KIF1B: variants seen among roughly 807,000 people sequenced by gnomAD.
KIF1B encodes the protein kinesin family member 1B.
A neutral mutation model predicts 241.9 loss-of-function variants in KIF1B; 76 were observed. That is an observed-to-expected ratio of 0.31 (90% CI 0.26 to 0.38). The LOEUF is 0.38. Among genes scored for constraint, KIF1B ranks in the 10% least tolerant of loss-of-function variants. KIF1B has a pLI of 1.00. For missense variants in KIF1B, 1,622 were observed against 2,271.4 expected (o/e 0.71, Z 5.81); for synonymous variants, 750 against 796.7 (o/e 0.94, Z 0.99).
Position 10,337,145 on chromosome 1 carries a change from G to A in KIF1B, c.3201G>A (p.Gln1067=). The change falls in exon 30 of 49, where the codon CAG becomes CAA. Residue 1067 remains glutamine (Q), a synonymous_variant. Transcript: ENST00000676179. The surrounding 1 kb of genome is among the most constrained non-coding windows in gnomAD (Gnocchi z 4.0). ...AGGAGTTGAGGATTGTGGAAGGACAGGGTCAGAGTTCTGAGGTCATCACTC... is the reference window on the plus strand; with the variant it reads ...AGGAGTTGAGGATTGTGGAAGGACAAGGTCAGAGTTCTGAGGTCATCACTC... The part of the protein sequence containing the change: ...SLEELRIVEG[Q]GQSSEVITPP... 6.2e-7 allele frequency: 1 copy of A among 1,614,176 alleles called. No individual in the cohort carries two copies. The highest frequency in any genetic ancestry group is 1.3e-5 in the African/African-American group (1 of 75,038).
intron 2 of KIF1B, among the ~76,000 whole-genome samples, chr1:10,240,229 G>A (rs544727092): frequency 6.7e-6 from 1 of 150,184 alleles, no homozygotes; most frequent in Non-Finnish European, 1.5e-5. Flanking sequence ...TTATTTATGA[G>A]GCGGAGTCTC....
At chr1:10,369,891 C>T (rs1428604103) in intron 44 of KIF1B, among the ~76,000 whole-genome samples, 2 of 150,956 alleles carry the variant, frequency 1.3e-5, no homozygotes, top group Admixed American at 1.3e-4. Flanking sequence ...AAGATCGTGC[C>T]ATTGCACTCC....
At position 10,278,310 on chromosome 1, in the gene KIF1B, A is replaced by G. The variant is rs148760512; in HGVS notation, c.1180+182A>G. Among the ~76,000 whole-genome samples the G allele has an allele frequency of 3.0e-3, 464 of 152,252 alleles. 3 individuals carry two copies. The highest frequency in any genetic ancestry group is 0.011 in the African/African-American group (437 of 41,544). ...AAAACCCAATGGAAATGATCTCTAGATTCCTTTATGTAATGTGTACCAGAC... is the reference window on the plus strand; with the variant it reads ...AAAACCCAATGGAAATGATCTCTAGGTTCCTTTATGTAATGTGTACCAGAC... On this transcript the variant is annotated intron_variant, in intron 13 of 48. Coordinates refer to ENST00000676179, the MANE Select transcript of KIF1B (RefSeq NM_001365951.3).
rs562242843 is a variant in KIF1B, at chr1:10,288,462, T to G, written c.1435-2620T>G. Among the ~76,000 whole-genome samples, 7 of 152,270 alleles carry G rather than the reference T, an allele frequency of 4.6e-5. No individual in the cohort carries two copies. In the South Asian group the frequency reaches 1.4e-3, roughly 32 times the overall value. ...GCTGAGGACTGTGTAGAGATGCCATTCAGGTAGCTGTTTTAGCCTTTGAGC... is the reference window on the plus strand; with the variant it reads ...GCTGAGGACTGTGTAGAGATGCCATGCAGGTAGCTGTTTTAGCCTTTGAGC... On this transcript the variant is annotated intron_variant, in intron 15 of 48. Coordinates refer to ENST00000676179, the MANE Select transcript of KIF1B (RefSeq NM_001365951.3).
intron 22 of KIF1B, among the ~76,000 whole-genome samples, chr1:10,310,919 A>T (rs764713494): frequency 6.6e-6 from 1 of 151,410 alleles, no homozygotes. Flanking sequence ...TTCACTGAGG[A>T]AAAAAAGCAA....
intron 43 of KIF1B, among the ~76,000 whole-genome samples, chr1:10,368,100 T>G (rs1638625497): frequency 6.6e-6 from 1 of 152,146 alleles, no homozygotes; most frequent in South Asian, 2.1e-4. Context: ...GCTTTATCTT[T>G]ATTAGACATA....
At chr1:10,291,014 G>A (rs1649969719) in intron 15 of KIF1B, 68 bp from the exon 16 acceptor site, 1 of 1,271,244 alleles carries the variant, frequency 7.9e-7, no homozygotes, top group Non-Finnish European at 1.1e-6. Flanking sequence ...TTTGCTTCTT[G>A]CTTTTCTAGC....
chr1:10,240,399 G>A (rs986220298), intron 2 of KIF1B, among the ~76,000 whole-genome samples: 2 of 151,866 alleles, frequency 1.3e-5, no homozygotes, highest in African/African-American at 4.8e-5. Context: ...GTAGAGGTGG[G>A]GTTTCACCAT....
chr1:10,305,122 A>G (rs1461067105), intron 22 of KIF1B: 8 of 1,062,724 alleles, frequency 7.5e-6, no homozygotes, highest in Non-Finnish European at 9.1e-6. Flanking sequence ...GGGTGGGCAC[A>G]GCTTTGGATT....
chr1:10,296,793 G>A (rs1650286092), intron 20 of KIF1B, 104 bp from the exon 21 acceptor site: 1 of 1,359,444 alleles, frequency 7.4e-7, no homozygotes, highest in Admixed American at 1.9e-5. Flanking sequence ...AAAAACAACA[G>A]CTCTGAAAGC....
At position 10,381,291 on chromosome 1, in the gene KIF1B, A is replaced by C. The variant is rs1225465284; in HGVS notation, c.*4704A>C. ...CACATGACAACAAAACCCATAATGCATAAGTGGCCTTTTTGAACCAAGACT... is the reference window on the plus strand; with the variant it reads ...CACATGACAACAAAACCCATAATGCCTAAGTGGCCTTTTTGAACCAAGACT... On this transcript the variant is annotated 3_prime_UTR_variant, in exon 49 of 49. Coordinates refer to ENST00000676179, the MANE Select transcript of KIF1B (RefSeq NM_001365951.3). 1 of 226,600 alleles carries C rather than the reference A, an allele frequency of 4.4e-6. No individual in the cohort carries two copies. Among genetic ancestry groups the C allele is most frequent in the Non-Finnish European group, 8.8e-6 (1 of 113,670 alleles). The allele number at this position is 226,600 out of a possible 1,614,324, so 14.0% of individuals were successfully genotyped here.
intron 15 of KIF1B, among the ~76,000 whole-genome samples, chr1:10,286,158 G>T (rs564740796): frequency 6.6e-6 from 1 of 152,166 alleles, no homozygotes; most frequent in African/African-American, 2.4e-5. Flanking sequence ...TCCTGCCTCA[G>T]CCTTCTGAGA....
At chr1:10,294,630 G>A (rs921268087) in intron 17 of KIF1B, among the ~76,000 whole-genome samples, 6 of 152,186 alleles carry the variant, frequency 3.9e-5, no homozygotes, top group African/African-American at 1.2e-4. Context: ...CACTTTGGGA[G>A]GCCAAGGAGG....
At chr1:10,230,778 C>T (rs1287020019) in intron 1 of KIF1B, 1 of 152,068 alleles carries the variant, frequency 6.6e-6, no homozygotes, top group Admixed American at 6.6e-5. Flanking sequence ...TCTTTTCACA[C>T]AGTAGTGTTG....
chr1:10,233,773 G>A (rs1490901693), intron 2 of KIF1B, among the ~76,000 whole-genome samples: 2 of 150,506 alleles, frequency 1.3e-5, no homozygotes, highest in Non-Finnish European at 3.0e-5. Context: ...GAGTGCAGTG[G>A]CATGATCTCA....
intron 1 of KIF1B, among the ~76,000 whole-genome samples, chr1:10,223,290 A>T (rs1646868450): frequency 6.6e-6 from 1 of 151,984 alleles, no homozygotes. Flanking sequence ...AACAAAAAGC[A>T]CCTCTGTAAA....
intron 10 of KIF1B, among the ~76,000 whole-genome samples, chr1:10,273,767 T>G (rs1211584364): frequency 8.1e-6 from 1 of 123,732 alleles, no homozygotes; most frequent in Non-Finnish European, 1.6e-5. Flanking sequence ...GACTAGCCAC[T>G]AAGAGGCCAG....
chr1:10,271,090 AC>A (rs1288155006), intron 7 of KIF1B, among the ~76,000 whole-genome samples: 1 of 151,474 alleles, frequency 6.6e-6, no homozygotes, highest in East Asian at 1.9e-4. Flanking sequence ...TTTATAACAT[AC>A]TCTAGTAAAT....
rs149566646 is a variant in KIF1B, at chr1:10,337,212, A to G, written c.3259+9A>G. On this transcript the variant is annotated intron_variant, in intron 30 of 48. Coordinates refer to ENST00000676179, the MANE Select transcript of KIF1B (RefSeq NM_001365951.3). This position sits in a 1 kb window ranked among gnomAD's most constrained non-coding sequence, Gnocchi z 4.0. ...TCGAATTAATGACTTGGGTATGTAG[A>G]CATAGTTTACTGTGCTTGGGGACAT... The G allele has an allele frequency of 1.9e-3, 3,050 of 1,614,156 alleles. 5 individuals are homozygous for G. Among genetic ancestry groups the G allele is most frequent in the Non-Finnish European group, 2.5e-3 (2,911 of 1,180,014 alleles).
Sources: allele counts gnomAD v4.1 joint callset (sites outside exome capture counted in the v4.1 genomes callset), GRCh38; gene constraint gnomAD v4.1.1; non-coding constraint Gnocchi (gnomAD v3.1); transcripts MANE v1.5; gene names NCBI Gene and HGNC (gene_info 2026-07-23, HGNC 2026-07-21).